Variants in SPOCK2 observed in about 807,000 individuals in gnomAD.
The protein encoded by SPOCK2 is testican-2.
In SPOCK2, 39 loss-of-function variants were observed where a neutral mutation model predicts 60.1. The ratio of observed to expected loss-of-function variants is 0.65; its 90% confidence interval spans 0.50 to 0.85. The LOEUF (loss-of-function observed/expected upper bound fraction) is 0.85, where lower values mean the gene tolerates loss of function less well. Ranked by LOEUF, SPOCK2 falls within the 40% of genes least tolerant of loss-of-function variation. The pLI, the probability that SPOCK2 is intolerant of heterozygous loss-of-function variation, is 0.00. For synonymous variants in SPOCK2, 217 were observed against 231.5 expected, an observed-to-expected ratio of 0.94 and a Z score of 0.57; for missense variants, 523 against 567.4, an observed-to-expected ratio of 0.92 and a Z score of 0.80.
At chr10:72,086,566 C>G (rs1169530827) in intron 1 of SPOCK2, 2 of 1,143,682 alleles carry the variant, frequency 1.7e-6, no homozygotes, top group Middle Eastern at 4.0e-4. Flanking sequence ...CTGCTGTGGC[C>G]GGGCTGCTGC....
Position 72,067,622 on chromosome 10 carries a change from G to T in SPOCK2, c.700C>A (p.Pro234Thr). 1.2e-6 allele frequency: 2 copies of T among 1,612,836 alleles called. No homozygotes were observed. Among genetic ancestry groups the T allele is most frequent in the Non-Finnish European group, 8.5e-7 (1 of 1,180,002 alleles). Residue 234 changes from proline to threonine, a missense_variant, in exon 7 of 11, where the codon CCG (proline) becomes ACG (threonine). Physicochemically the swap from Pro to Thr is conservative, Grantham distance 38. Coordinates refer to ENST00000373109, the MANE Select transcript of SPOCK2 (RefSeq NM_001244950.2). ...GCAGCAAGCTTCCTACCGCTGGCCG[G>T]GCCGGCTACACTGCTGGCTGAGCCA... ...QNGSASSVAG[P>T]ASGLDKSLGA...
rs188445893 is a variant in SPOCK2 at position 72,074,802 on chromosome 10, G to A, written c.190-1892C>T. ...CTCTCCTTCTTCCTCTTGCTTTCAC[G>A]TGCCTCCCCGTGTGTTCCTGTGTCC... On this transcript the variant is annotated intron_variant, in intron 1 of 10. Coordinates refer to ENST00000373109, the MANE Select transcript of SPOCK2 (RefSeq NM_001244950.2). Among the ~76,000 whole-genome samples, 806 of 152,256 alleles carry A rather than the reference G, an allele frequency of 5.3e-3. 30 individuals carry two copies. Among genetic ancestry groups the A allele is most frequent in the Non-Finnish European group, 1.0e-3 (70 of 68,000 alleles).
intron 1 of SPOCK2, 100 bp from the exon 2 acceptor site, chr10:72,073,010 G>T: frequency 1.3e-6 from 2 of 1,518,812 alleles, no homozygotes; most frequent in Non-Finnish European, 1.8e-6. Context: ...TGTTCCTGGG[G>T]TCCCCTGCCT....
At chr10:72,068,629 CCT>C (rs1212358445) in intron 5 of SPOCK2, 1 of 318,942 alleles carries the variant, frequency 3.1e-6, no homozygotes, top group Non-Finnish European at 5.8e-6. Flanking sequence ...TCGCCCTTCC[CCT>C]GTGTTAGCTG....
At chr10:72,085,905 C>A (rs1840849049) in intron 1 of SPOCK2, among the ~76,000 whole-genome samples, 1 of 152,158 alleles carries the variant, frequency 6.6e-6, no homozygotes, top group Admixed American at 6.5e-5. Flanking sequence ...TGGTGGGGAC[C>A]CTGTGTACTG....
intron 5 of SPOCK2, 86 bp downstream of exon 5, chr10:72,070,226 C>T (rs367998196): frequency 2.4e-5 from 32 of 1,352,958 alleles, no homozygotes; most frequent in Admixed American, 8.0e-5. Context: ...GAAACCCCTC[C>T]GGAGGCCCCA....
intron 9 of SPOCK2, among the ~76,000 whole-genome samples, chr10:72,063,869 C>T (rs899321153): frequency 6.6e-6 from 1 of 152,240 alleles, no homozygotes; most frequent in African/African-American, 2.4e-5. Context: ...ACATTAGTCA[C>T]ACCCTTGCTG....
At position 72,067,124 on chromosome 10, in the gene SPOCK2, G is replaced by A. The variant is rs1361152379; in HGVS notation, c.710-4C>T. 1 of 1,612,836 alleles carries A rather than the reference G, an allele frequency of 6.2e-7. No homozygotes were observed. The highest frequency in any genetic ancestry group is 1.7e-5 in the Admixed American group (1 of 59,920). Reference sequence around the variant, plus strand: ...GCCCCCAGGCTCTTGTCCAGCCCTGGGAAAAGATCAGGTTCAGGCACGCTT... The same window carrying A: ...GCCCCCAGGCTCTTGTCCAGCCCTGAGAAAAGATCAGGTTCAGGCACGCTT... On this transcript the variant is annotated splice_region_variant and splice_polypyrimidine_tract_variant and intron_variant, in intron 7 of 10. Transcript: ENST00000373109.
intron 1 of SPOCK2, among the ~76,000 whole-genome samples, chr10:72,079,655 C>G (rs1840757827): frequency 6.6e-6 from 1 of 152,192 alleles, no homozygotes; most frequent in South Asian, 2.1e-4. Context: ...CCGCTCACTT[C>G]ACAGCTTGAA....
At chr10:72,064,026 G>T in intron 9 of SPOCK2, 152 bp downstream of exon 9, 1 of 958,758 alleles carries the variant, frequency 1.0e-6, no homozygotes, top group Non-Finnish European at 1.5e-6. Flanking sequence ...GATAGACACA[G>T]GAAGGGGGCA....
chr10:72,074,844 T>C (rs891235529), intron 1 of SPOCK2, among the ~76,000 whole-genome samples: 1 of 152,144 alleles, frequency 6.6e-6, no homozygotes, highest in African/African-American at 2.4e-5. Context: ...CCTCTGTCTC[T>C]CATTGAGCCT....
At chr10:72,068,419 A>G (rs574517991) in intron 5 of SPOCK2, 118 bp from the exon 6 acceptor site, 1 of 1,082,108 alleles carries the variant, frequency 9.2e-7, no homozygotes, top group Admixed American at 2.7e-5. Flanking sequence ...TGGAGTGCCC[A>G]TGAACAGCCT....
chr10:72,065,277 C>G (rs1450780371), intron 8 of SPOCK2, among the ~76,000 whole-genome samples: 1 of 152,034 alleles, frequency 6.6e-6, no homozygotes, highest in Admixed American at 6.6e-5. Flanking sequence ...CTCAGGTGAT[C>G]CACCCACCTC....
At chr10:72,079,720 C>T (rs190829861) in intron 1 of SPOCK2, among the ~76,000 whole-genome samples, 6 of 152,254 alleles carry the variant, frequency 3.9e-5, no homozygotes, top group Non-Finnish European at 8.8e-5. Flanking sequence ...GACCTAGCAG[C>T]GAATCAGCAA....
rs61853760 is a variant in SPOCK2 at position 72,087,561 on chromosome 10, G to T, written c.189+579C>A. On this transcript the variant is annotated intron_variant, in intron 1 of 10. Transcript: ENST00000373109. This position sits in a 1 kb window ranked among gnomAD's most constrained non-coding sequence, Gnocchi z 4.7. ...GTACGGACACGCCTTCCACCATCTC[G>T]CCTAGAAGGCTGCTGGGACCCCAGA... Among the ~76,000 whole-genome samples the T allele has an allele frequency of 6.6e-6, 1 of 152,118 alleles. No homozygotes were observed. Among genetic ancestry groups the T allele is most frequent in the Admixed American group, 6.5e-5 (1 of 15,276 alleles).
chr10:72,088,402 G>A lies in SPOCK2; in HGVS notation c.-74C>T. 1.4e-6 allele frequency: 2 copies of A among 1,429,304 alleles called. No individual in the cohort carries two copies. The highest frequency in any genetic ancestry group is 1.8e-6 in the Non-Finnish European group (2 of 1,091,426). 88.5% of individuals were successfully genotyped at this position (1,429,304 alleles called of 1,614,324 possible). A position where few individuals can be genotyped will look rare whatever the true frequency, so the allele number is the denominator to read the frequency against. ...ATGTCCTTCCTCCCACCCCGCTGCTGGCGAAGCGCACGCGGCTGTCCTCAG... is the reference window on the plus strand; with the variant it reads ...ATGTCCTTCCTCCCACCCCGCTGCTAGCGAAGCGCACGCGGCTGTCCTCAG... On this transcript the variant is annotated 5_prime_UTR_variant, in exon 1 of 11. Transcript: ENST00000373109.
At chr10:72,069,659 TG>T (rs1436610377) in intron 5 of SPOCK2, among the ~76,000 whole-genome samples, 2 of 152,112 alleles carry the variant, frequency 1.3e-5, no homozygotes, top group Non-Finnish European at 2.9e-5. Flanking sequence ...GGTCTCACTA[TG>T]TTACCCAGGC....
Position 72,088,307 on chromosome 10 carries a change from G to C in SPOCK2, c.22C>G (p.Arg8Gly), listed in dbSNP as rs748167545. 2 of 1,586,996 alleles carry C rather than the reference G, an allele frequency of 1.3e-6. No individual in the cohort carries two copies. Among genetic ancestry groups the C allele is most frequent in the Non-Finnish European group, 1.7e-6 (2 of 1,168,972 alleles). Residue 8 changes from arginine (R) to glycine (G), a missense_variant, in exon 1 of 11, where the codon CGG (arginine) becomes GGG (glycine). Arg to Gly is a moderately radical substitution (Grantham distance 125). Transcript: ENST00000373109. The stretch of plus-strand genomic sequence containing the variant: ...AGGAGCAGCAGCGGCAGCACCAGCC[G>C]CCCGCAGCCCGGGGCGCGCATCGTG... Reference protein sequence around the residue: MRAPGCGRLVLPLLLLAA... With the variant: MRAPGCGGLVLPLLLLAA...
intron 1 of SPOCK2, among the ~76,000 whole-genome samples, chr10:72,085,277 C>T (rs1218234421): frequency 1.3e-5 from 2 of 152,120 alleles, no homozygotes; most frequent in Non-Finnish European, 2.9e-5. Flanking sequence ...CAATCTCCCC[C>T]GTCTTCTGCC....
Sources: gnomAD v4.1 joint callset for allele counts (sites outside exome capture counted in the v4.1 genomes callset) on GRCh38, gnomAD v4.1.1 for gene constraint, Gnocchi (gnomAD v3.1) non-coding constraint, MANE v1.5 for transcripts, NCBI Gene and HGNC (gene_info 2026-07-23, HGNC 2026-07-21) for gene names.